Variants in WTAP observed in about 807,000 individuals in gnomAD.
WTAP encodes the protein WT1 associated protein, also known as pre-mRNA-splicing regulator WTAP.
WTAP carries 8 observed loss-of-function variants against 50.0 expected under a neutral mutation model. That is an observed-to-expected ratio of 0.16 (90% confidence interval 0.09 to 0.29). The LOEUF is 0.29. WTAP is among the 10% of genes least tolerant of loss of function. WTAP has a pLI of 1.00. For missense variants in WTAP, 295 were observed against 470.7 expected (o/e 0.63, Z 3.45); for synonymous variants, 194 against 169.0 (o/e 1.15, Z -1.15).
At chr6:159,740,086 T>A (rs1779158825) in intron 3 of WTAP, among the ~76,000 whole-genome samples, 1 of 152,034 alleles carries the variant, frequency 6.6e-6, no homozygotes, top group South Asian at 2.1e-4. Context: ...CTGAAGTGAT[T>A]CTCTCACCTT....
chr6:159,733,950 C>T (rs1778749731), intron 1 of WTAP, among the ~76,000 whole-genome samples: 1 of 152,132 alleles, frequency 6.6e-6, no homozygotes, highest in Non-Finnish European at 1.5e-5. Flanking sequence ...AAGAAGCAAG[C>T]CAGTAATCTA....
intron 1 of WTAP, among the ~76,000 whole-genome samples, chr6:159,733,593 G>C (rs1255335179): frequency 6.6e-6 from 1 of 150,914 alleles, no homozygotes; most frequent in East Asian, 1.9e-4. Context: ...CTGCACTGTG[G>C]TCTAGGTGAC....
chr6:159,728,094 G>GA lies in WTAP; in HGVS notation c.-9+398dup, dbSNP rs1268979657. On this transcript the variant is annotated intron_variant, in intron 1 of 7. Transcript: ENST00000621533. ...TGGCGGCACTAACGAGTTCAGCAAG[G>GA]AAAAAAAGAAACATTCGTTCCCTAC... Among the ~76,000 whole-genome samples the GA allele has an allele frequency of 3.3e-5, 5 of 152,274 alleles. No homozygotes were observed. In the South Asian group the frequency reaches 1.0e-3, roughly 32 times the overall value.
chr6:159,740,541 C>A (rs749943091), intron 3 of WTAP, among the ~76,000 whole-genome samples: 1 of 152,226 alleles, frequency 6.6e-6, no homozygotes, highest in African/African-American at 2.4e-5. Context: ...TCTTTTATAG[C>A]CTCCACTGAA....
intron 6 of WTAP, among the ~76,000 whole-genome samples, chr6:159,750,395 A>G (rs1779775306): frequency 6.6e-6 from 1 of 152,196 alleles, no homozygotes; most frequent in Non-Finnish European, 1.5e-5. Flanking sequence ...TAATAAGATA[A>G]TACATGCTTA....
chr6:159,743,927 A>G (rs1562461485), intron 5 of WTAP, 135 bp downstream of exon 5: 12 of 1,008,706 alleles, frequency 1.2e-5, no homozygotes, highest in Non-Finnish European at 1.4e-5. Flanking sequence ...TTTGAGCTTT[A>G]AGAATACTAG....
intron 1 of WTAP, 27 bp from the exon 2 acceptor site, chr6:159,736,231 C>A: frequency 2.5e-6 from 4 of 1,576,720 alleles, no homozygotes; most frequent in Non-Finnish European, 2.6e-6. Flanking sequence ...ATAAATTGAA[C>A]TTGTTTTCCG....
chr6:159,745,444 T>G (rs1350011438), intron 5 of WTAP, among the ~76,000 whole-genome samples: 1 of 152,138 alleles, frequency 6.6e-6, no homozygotes, highest in Admixed American at 6.5e-5. Flanking sequence ...CAGCTTTTTT[T>G]TTTTTTTAAA....
chr6:159,736,575 G>A (rs1778931535), intron 2 of WTAP: 2 of 288,078 alleles, frequency 6.9e-6, no homozygotes, highest in South Asian at 2.1e-4. Flanking sequence ...ATATTTCCAG[G>A]TCTACTCTTA....
At chr6:159,728,145 A>G (rs1223760168) in intron 1 of WTAP, among the ~76,000 whole-genome samples, 2 of 152,346 alleles carry the variant, frequency 1.3e-5, no homozygotes, top group Admixed American at 6.5e-5. Context: ...GTAGGATGTT[A>G]CTACGTTCTC....
chr6:159,743,473 A>G (rs1779384218), intron 4 of WTAP, among the ~76,000 whole-genome samples, 192 bp from the exon 5 acceptor site: 1 of 152,246 alleles, frequency 6.6e-6, no homozygotes, highest in Non-Finnish European at 1.5e-5. Flanking sequence ...GTTAGTAGTC[A>G]TGGAGCACTA....
intron 6 of WTAP, chr6:159,749,093 C>A (rs1392766294): frequency 3.0e-6 from 3 of 986,956 alleles, no homozygotes; most frequent in Non-Finnish European, 3.6e-6. Flanking sequence ...TGGTTTTATT[C>A]AATGGTTTGT....
intron 5 of WTAP, among the ~76,000 whole-genome samples, chr6:159,745,562 A>G (rs547351601): frequency 1.3e-5 from 2 of 152,246 alleles, no homozygotes; most frequent in South Asian, 4.1e-4. Context: ...ATCACAAGGA[A>G]AGGTCAAGAT....
upstream of WTAP, chr6:159,727,391 CGGGA>C (rs1554262607): frequency 6.8e-6 from 4 of 588,724 alleles, no homozygotes; most frequent in South Asian, 6.7e-5. Context: ...AGGCGGGAGG[CGGGA>C]GGCGGGAGGC....
At chr6:159,728,807 C>G (rs1226385095) in intron 1 of WTAP, among the ~76,000 whole-genome samples, 1 of 152,160 alleles carries the variant, frequency 6.6e-6, no homozygotes, top group Non-Finnish European at 1.5e-5. Context: ...AGGTGTGTTT[C>G]TTACAGTGCT....
At chr6:159,749,023 C>T (rs1347404899) in intron 6 of WTAP, 28 of 1,001,668 alleles carry the variant, frequency 2.8e-5, no homozygotes, top group Non-Finnish European at 3.3e-5. Context: ...GTACAAGTAG[C>T]GCATATATTT....
rs1312356916 is a variant in WTAP, at chr6:159,748,308, A to G, written c.391A>G (p.Thr131Ala). The part of the protein sequence containing the change: ...FLKMKGELEQ[T>A]KDKLEQAQNE... ...AAAAATGAAAGGTGAACTGGAACAG[A>G]CTAAAGACAAACTGGAACAAGCCCA... The change falls in exon 6 of 8, where the codon ACT becomes GCT. Residue 131 changes from threonine (T) to alanine (A), a missense_variant. Thr to Ala is a moderately conservative substitution (Grantham distance 58). This residue lies in a region of WTAP where 120 missense variants were observed against 287.6 expected (regional missense o/e 0.42). Coordinates refer to ENST00000621533, the MANE Select transcript of WTAP (RefSeq NM_001270531.2). This position sits in a 1 kb window ranked among gnomAD's most constrained non-coding sequence, Gnocchi z 5.6. The G allele has an allele frequency of 4.3e-6, 7 of 1,614,004 alleles. No individual in the cohort carries two copies. In the Admixed American group the frequency reaches 1.2e-4, roughly 27 times the overall value.
intron 4 of WTAP, 37 bp from the exon 5 acceptor site, chr6:159,743,628 T>C: frequency 8.3e-6 from 13 of 1,558,636 alleles, no homozygotes; most frequent in Non-Finnish European, 1.0e-5. Context: ...GAACTTGATC[T>C]TAAAATTGTA....
At chr6:159,729,032 A>G (rs1294490449) in intron 1 of WTAP, among the ~76,000 whole-genome samples, 1 of 152,156 alleles carries the variant, frequency 6.6e-6, no homozygotes, top group Non-Finnish European at 1.5e-5. Flanking sequence ...TGCTGAAAAT[A>G]TTTTTGTGTA....
Sources: gnomAD v4.1 joint callset for allele counts (sites outside exome capture counted in the v4.1 genomes callset) on GRCh38, gnomAD v4.1.1 for gene constraint, gnomAD v4.1.1 regional missense constraint, Gnocchi (gnomAD v3.1) non-coding constraint, MANE v1.5 for transcripts, NCBI Gene and HGNC (gene_info 2026-07-23, HGNC 2026-07-21) for gene names.